PRP4K: variants seen among roughly 807,000 people sequenced by gnomAD.
PRP4K encodes the protein pre-mRNA processing factor kinase PRP4K, also known as serine/threonine-protein kinase PRP4 homolog.
the PRP4K span, among the ~76,000 whole-genome samples, chr6:4,036,726 A>G: frequency 6.6e-6 from 1 of 152,042 alleles, no homozygotes; most frequent in African/African-American, 2.4e-5. Context: ...ATGGTGGGTC[A>G]CACCTGTAAC....
At chr6:4,030,318 TGTGA>T in the PRP4K span, among the ~76,000 whole-genome samples, 1 of 152,126 alleles carries the variant, frequency 6.6e-6, no homozygotes, top group Non-Finnish European at 1.5e-5. Flanking sequence ...TTAAAGAGAT[TGTGA>T]GTAGACAGAT....
the PRP4K span, among the ~76,000 whole-genome samples, chr6:4,037,920 T>TA: frequency 2.6e-5 from 4 of 152,048 alleles, no homozygotes; most frequent in Non-Finnish European, 4.4e-5. Context: ...CCCAGTTTCT[T>TA]ACATTTTATA....
the PRP4K span, chr6:4,052,979 A>G: frequency 9.5e-7 from 1 of 1,051,782 alleles, no homozygotes; most frequent in African/African-American, 1.6e-5. Context: ...AGCATAGTTC[A>G]GTATATTAAT....
At chr6:4,039,919 G>A in the PRP4K span, among the ~76,000 whole-genome samples, 3 of 127,190 alleles carry the variant, frequency 2.4e-5, no homozygotes, top group Non-Finnish European at 4.6e-5. Flanking sequence ...TTTCTTTCTT[G>A]AGGTAGGATC....
chr6:4,036,341 C>T, the PRP4K span, among the ~76,000 whole-genome samples: 2 of 152,120 alleles, frequency 1.3e-5, no homozygotes, highest in African/African-American at 4.8e-5. Flanking sequence ...CCCACTTGAG[C>T]CTCCCTATTA....
At chr6:4,021,713 C>G in the PRP4K span, among the ~76,000 whole-genome samples, 1 of 152,202 alleles carries the variant, frequency 6.6e-6, no homozygotes, top group South Asian at 2.1e-4. Context: ...GAGGCGTAGG[C>G]GCGAGCGGCC....
the PRP4K span, chr6:4,056,250 C>A: frequency 1.8e-6 from 2 of 1,101,742 alleles, no homozygotes; most frequent in Non-Finnish European, 2.7e-6. Context: ...TTTTCAAAGC[C>A]AATAATTTTT....
At chr6:4,048,933 G>A in the PRP4K span, 4 of 824,458 alleles carry the variant, frequency 4.9e-6, no homozygotes, top group Non-Finnish European at 7.6e-6. Context: ...ATTATATCTG[G>A]TGTTACCCTT....
At chr6:4,058,933 G>A in the PRP4K span, 12 of 709,884 alleles carry the variant, frequency 1.7e-5, no homozygotes, top group South Asian at 2.6e-4. Context: ...CCTTTTTGCT[G>A]TCGACCAATT....
At chr6:4,049,537 A>T in the PRP4K span, 96 of 583,356 alleles carry the variant, frequency 1.6e-4, no homozygotes, top group African/African-American at 1.7e-3. Flanking sequence ...TCTTGTAGTG[A>T]TCTGAAGTAG....
the PRP4K span, among the ~76,000 whole-genome samples, chr6:4,036,951 A>T: frequency 1.3e-4 from 19 of 147,136 alleles, no homozygotes; most frequent in Non-Finnish European, 2.4e-4. Context: ...GCGCCACTGC[A>T]CTCCAGCCTG....
chr6:4,038,928 TTCTTTCTTTC>T, the PRP4K span, among the ~76,000 whole-genome samples: 1 of 102,326 alleles, frequency 9.8e-6, no homozygotes, highest in Non-Finnish European at 2.1e-5. Flanking sequence ...GCTTTTTTTT[TTCTTTCTTTC>T]TTTCTTTCTG....
the PRP4K span, among the ~76,000 whole-genome samples, chr6:4,053,491 CCT>C: frequency 1.3e-5 from 2 of 152,156 alleles, no homozygotes; most frequent in African/African-American, 4.8e-5. Flanking sequence ...GTATTGTTCC[CCT>C]GTGTGTCCAT....
chr6:4,028,846 C>T, the PRP4K span, among the ~76,000 whole-genome samples: 1 of 151,982 alleles, frequency 6.6e-6, no homozygotes, highest in Non-Finnish European at 1.5e-5. Flanking sequence ...TCTCCCCCAC[C>T]CCTTCTCCCA....
chr6:4,040,112 C>T, the PRP4K span, among the ~76,000 whole-genome samples: 1 of 151,552 alleles, frequency 6.6e-6, no homozygotes, highest in African/African-American at 2.4e-5. Context: ...TCTCAAACTC[C>T]CGAGCTCCCT....
At chr6:4,060,724 G>A in the PRP4K span, 1 of 1,013,504 alleles carries the variant, frequency 9.9e-7, no homozygotes, top group African/African-American at 1.6e-5. The surrounding 1 kb of genome is among the most constrained non-coding windows in gnomAD (Gnocchi z 4.7). Flanking sequence ...GCAAATTTGA[G>A]GAAGCATGAT....
chr6:4,021,355 TC>T, the PRP4K span: 1 of 1,547,880 alleles, frequency 6.5e-7, no homozygotes, highest in Non-Finnish European at 8.7e-7. Context: ...TTTTCCTTCT[TC>T]CTCCACTTCC....
the PRP4K span, among the ~76,000 whole-genome samples, chr6:4,054,809 T>C: frequency 5.9e-4 from 90 of 152,328 alleles, 1 homozygote; most frequent in Middle Eastern, 0.01. Context: ...GTTTTTTAAT[T>C]GTGAAATACA....
the PRP4K span, among the ~76,000 whole-genome samples, chr6:4,042,831 T>G: frequency 6.6e-6 from 1 of 152,156 alleles, no homozygotes; most frequent in Non-Finnish European, 1.5e-5. Context: ...GAATCTGAAG[T>G]TTGCTTTCTT....
Sources: allele counts gnomAD v4.1 joint callset (sites outside exome capture counted in the v4.1 genomes callset), GRCh38; gene constraint gnomAD v4.1.1; non-coding constraint Gnocchi (gnomAD v3.1); transcripts MANE v1.5; gene names NCBI Gene and HGNC (gene_info 2026-07-23, HGNC 2026-07-21).